Variants in COL6A5 observed in about 807,000 individuals in gnomAD.
COL6A5 encodes collagen type VI alpha 5 chain.
A neutral mutation model predicts 65.6 loss-of-function variants in COL6A5; 48 were observed. The observed-to-expected ratio is 0.73, with a 90% CI of 0.58 to 0.93. The LOEUF is 0.93. Ranked by LOEUF, COL6A5 falls within the 40% of genes least tolerant of loss-of-function variation. The pLI is 0.00. For missense variants in COL6A5, 914 were observed against 928.3 expected (o/e 0.98, Z 0.20); for synonymous variants, 291 against 322.8 (o/e 0.90, Z 1.05).
intron 5 of COL6A5, among the ~76,000 whole-genome samples, chr3:130,387,927 T>C (rs1283184249): frequency 6.6e-6 from 1 of 151,562 alleles, no homozygotes; most frequent in Non-Finnish European, 1.5e-5. Flanking sequence ...CATATGTGTG[T>C]ATATATATGT....
Position 130,421,147 on chromosome 3 carries a change from A to G in COL6A5, c.4951-6A>G, listed in dbSNP as rs921977119. The G allele has an allele frequency of 2.1e-5, 32 of 1,550,242 alleles. No homozygotes were observed. The highest frequency in any genetic ancestry group is 2.7e-5 in the Non-Finnish European group (31 of 1,146,064). ...GAAATTGAAAAAAACTGGTGTGTTT[A>G]CACAGGGAGATTCTGGCATCCCAGG... On this transcript the variant is annotated splice_region_variant and splice_polypyrimidine_tract_variant and intron_variant and NMD_transcript_variant, in intron 25 of 41. Coordinates refer to the COL6A5 transcript ENST00000312481.
chr3:130,398,280 A>G (rs4688795), intron 10 of COL6A5, among the ~76,000 whole-genome samples, 169 bp downstream of exon 10: 133,595 of 151,792 alleles, frequency 0.88, 59,158 homozygotes, highest in Non-Finnish European at 0.93. Context: ...ACAGGCGCCC[A>G]CCACCACGCC....
intron 1 of COL6A5, among the ~76,000 whole-genome samples, chr3:130,368,886 G>A (rs971428925): frequency 2.6e-5 from 4 of 152,274 alleles, no homozygotes; most frequent in African/African-American, 4.8e-5. Context: ...TCCAGAAATG[G>A]GATAAGGCAC....
chr3:130,439,948 A>ATCTGCT (rs1709134348), intron 2 of COL6A5, among the ~76,000 whole-genome samples: 1 of 152,214 alleles, frequency 6.6e-6, no homozygotes, highest in Non-Finnish European at 1.5e-5. Flanking sequence ...TGCTACCTAC[A>ATCTGCT]TCTGCTTTCA....
At position 130,362,310 on chromosome 3, in the gene COL6A5, ATATATATATATATATATTTTTT is replaced by A. The variant is rs1293450274; in HGVS notation, c.-28-11299_-28-11278del. On this transcript the variant is annotated intron_variant and NMD_transcript_variant, in intron 1 of 41. Coordinates refer to the COL6A5 transcript ENST00000312481. Reference sequence around the variant, plus strand: ...TCTCCATATATATATATATATATATATATATATATATATATATTTTTTTTTTTTTTTTTTTTTGCATGTGGAT... The same window carrying A: ...TCTCCATATATATATATATATATATATTTTTTTTTTTTTTTGCATGTGGAT... 4.1e-3 allele frequency among the ~76,000 whole-genome samples: 312 copies of A among 76,750 alleles called. 13 individuals carry two copies. The highest frequency in any genetic ancestry group is 0.01 in the South Asian group (19 of 1,820). The allele number at this position is 76,750 out of a possible 152,430, so 50.4% of individuals were successfully genotyped here.
intron 5 of COL6A5, 104 bp downstream of exon 37, chr3:130,455,770 CTTTT>C: frequency 1.1e-6 from 1 of 901,400 alleles, no homozygotes. Context: ...TCTAAAGCAA[CTTTT>C]TTTAAAGTTC....
At chr3:130,391,214 G>T in exon 7 of COL6A5, 1 of 1,551,492 alleles carries the variant, frequency 6.4e-7, no homozygotes. Context: ...CGTTGTGTTT[G>T]TGCTGGATCA....
At chr3:130,382,689 A>G (rs1226566811) in intron 4 of COL6A5, among the ~76,000 whole-genome samples, 1 of 152,128 alleles carries the variant, frequency 6.6e-6, no homozygotes, top group African/African-American at 2.4e-5. Context: ...CAGAATGATC[A>G]ACGCTCAGAG....
At position 130,397,700 on chromosome 3, in the gene COL6A5, G is replaced by C. The variant is rs772247804; in HGVS notation, c.3686G>C (p.Ser1229Thr). ...CTCCCAGGCATCTTAGAAGACATCA[G>C]CTCTATCAAGGGGGTGAGCTGTGGG... Residue 1229 changes from serine (S) to threonine (T), a missense_variant and NMD_transcript_variant, in exon 9 of 42, where the codon AGC (serine) becomes ACC (threonine). Ser to Thr is a moderately conservative substitution (Grantham distance 58, BLOSUM62 1). Transcript: ENST00000312481. 3.5e-5 allele frequency: 55 copies of C among 1,551,612 alleles called. No individual in the cohort carries two copies. In the South Asian group the frequency reaches 5.7e-4, roughly 16 times the overall value.
chr3:130,462,031 A>T (rs890385406), intron 5 of COL6A5, among the ~76,000 whole-genome samples: 2 of 152,098 alleles, frequency 1.3e-5, no homozygotes, highest in African/African-American at 2.4e-5. Flanking sequence ...CTTCGGAGAA[A>T]AGGATGAAGT....
chr3:130,483,142 G>A (rs1710292470), intron 7 of COL6A5, among the ~76,000 whole-genome samples: 1 of 152,078 alleles, frequency 6.6e-6, no homozygotes, highest in East Asian at 1.9e-4. Flanking sequence ...TATAAGCGAA[G>A]GAGAAATAAA....
At chr3:130,473,352 T>C (rs1038179604) in intron 7 of COL6A5, among the ~76,000 whole-genome samples, 9 of 152,026 alleles carry the variant, frequency 5.9e-5, no homozygotes, top group East Asian at 5.8e-4. Flanking sequence ...GGCAGTGAAG[T>C]AGATGTCTAA....
At chr3:130,455,314 A>T (rs1709545522) in intron 4 of COL6A5, 141 bp from the exon 37 acceptor site, 1 of 604,474 alleles carries the variant, frequency 1.7e-6, no homozygotes, top group African/African-American at 1.9e-5. Flanking sequence ...TCAATGAATT[A>T]TTTGATTGAA....
chr3:130,422,055 A>G (rs938567390), intron 27 of COL6A5, among the ~76,000 whole-genome samples: 6 of 152,156 alleles, frequency 3.9e-5, no homozygotes, highest in Non-Finnish European at 8.8e-5. Flanking sequence ...AATATGGGTT[A>G]AAAAGTAGAA....
intron 1 of COL6A5, among the ~76,000 whole-genome samples, chr3:130,355,669 A>G (rs1934897526): frequency 6.6e-6 from 1 of 152,052 alleles, no homozygotes; most frequent in Non-Finnish European, 1.5e-5. Flanking sequence ...TGATTAATGA[A>G]AGGGAAATAG....
intron 5 of COL6A5, among the ~76,000 whole-genome samples, chr3:130,467,302 C>G (rs568851448): frequency 7.2e-5 from 11 of 151,812 alleles, no homozygotes; most frequent in Non-Finnish European, 1.5e-4. Flanking sequence ...GCACAAAATA[C>G]TTATTAGAAG....
chr3:130,404,851 G>C (rs1242640026), intron 13 of COL6A5, among the ~76,000 whole-genome samples: 1 of 152,240 alleles, frequency 6.6e-6, no homozygotes. Context: ...GCAGCAAAAT[G>C]TAAGCACCTG....
chr3:130,453,582 T>G (rs930241994), intron 4 of COL6A5, among the ~76,000 whole-genome samples: 1 of 152,216 alleles, frequency 6.6e-6, no homozygotes, highest in Non-Finnish European at 1.5e-5. Context: ...ATATAAATAG[T>G]GTTCCTTGAT....
chr3:130,439,551 T>C (rs770869255), exon 2 of COL6A5: 2 of 1,551,080 alleles, frequency 1.3e-6, no homozygotes, highest in African/African-American at 2.7e-5. Context: ...TTCAGGTGAT[T>C]CCAGTTCCTC....
Sources: gnomAD v4.1 joint callset for allele counts (sites outside exome capture counted in the v4.1 genomes callset) on GRCh38, gnomAD v4.1.1 for gene constraint, MANE v1.5 for transcripts, NCBI Gene and HGNC (gene_info 2026-07-23, HGNC 2026-07-21) for gene names.